Variants in LYPLAL1 observed in about 807,000 individuals in gnomAD.
LYPLAL1 encodes the protein lysophospholipase-like protein 1.
A neutral mutation model predicts 19.7 loss-of-function variants in LYPLAL1; 23 were observed. That is an observed-to-expected ratio of 1.17 (90% CI 0.84 to 1.65). The LOEUF (loss-of-function observed/expected upper bound fraction) is 1.65, where lower values mean the gene tolerates loss of function less well. Ranked by LOEUF, LYPLAL1 falls within the 40% of genes most tolerant of loss-of-function variation. The pLI is 0.00. For synonymous variants in LYPLAL1, 119 were observed against 96.3 expected, an observed-to-expected ratio of 1.24 and a Z score of -1.38; for missense variants, 355 against 279.4, an observed-to-expected ratio of 1.27 and a Z score of -1.93.
At chr1:219,188,393 G>A (rs1047798740) in intron 2 of LYPLAL1, among the ~76,000 whole-genome samples, 2 of 151,748 alleles carry the variant, frequency 1.3e-5, no homozygotes, top group Non-Finnish European at 3.0e-5. Flanking sequence ...AGACCTAAAT[G>A]AACAGTCGGA....
At chr1:219,248,882 A>T in the LYPLAL1 span, among the ~76,000 whole-genome samples, 1 of 152,210 alleles carries the variant, frequency 6.6e-6, no homozygotes, top group Non-Finnish European at 1.5e-5. Flanking sequence ...TCTAGAAACA[A>T]GCACTTTGGC....
At chr1:219,422,199 T>C in the LYPLAL1 span, among the ~76,000 whole-genome samples, 1 of 152,238 alleles carries the variant, frequency 6.6e-6, no homozygotes. Flanking sequence ...TGAAACTTTG[T>C]TGGAATTACT....
chr1:219,273,234 A>G, the LYPLAL1 span: 1 of 152,232 alleles, frequency 6.6e-6, no homozygotes, highest in Admixed American at 6.5e-5. Flanking sequence ...AAGTTCTTAA[A>G]AGGAGGCTTA....
intron 2 of LYPLAL1, among the ~76,000 whole-genome samples, chr1:219,186,345 A>G (rs1656719776): frequency 6.6e-6 from 1 of 151,878 alleles, no homozygotes; most frequent in African/African-American, 2.4e-5. Context: ...ATTTGAAAGC[A>G]TTACACAAAT....
chr1:219,381,501 C>T, the LYPLAL1 span, among the ~76,000 whole-genome samples: 11 of 152,162 alleles, frequency 7.2e-5, no homozygotes, highest in Admixed American at 2.6e-4. Flanking sequence ...CTCATATATA[C>T]GCTCTTAGTG....
At chr1:219,327,517 GGT>G in the LYPLAL1 span, among the ~76,000 whole-genome samples, 1 of 151,994 alleles carries the variant, frequency 6.6e-6, no homozygotes, top group African/African-American at 2.4e-5. Context: ...GGGAACGAGA[GGT>G]AGTGGCAGTG....
At chr1:219,200,217 T>C (rs1657986016) in intron 3 of LYPLAL1, 1 of 256,658 alleles carries the variant, frequency 3.9e-6, no homozygotes, top group Admixed American at 4.0e-5. Context: ...AAATAAATGG[T>C]GCTTATCTCG....
In LYPLAL1 at chr1:219,173,953, C is replaced by A; in HGVS notation, c.63C>A (p.Ser21Arg). The change falls in exon 1 of 5, where the codon AGC becomes AGA. Residue 21 changes from serine (S) to arginine (R), a missense_variant. Physicochemically the swap from Ser to Arg is moderately radical, Grantham distance 110. Coordinates refer to ENST00000366928, the MANE Select transcript of LYPLAL1 (RefSeq NM_138794.5). The stretch of plus-strand genomic sequence containing the variant: ...TCGTGTCGCCGGCAGGGAGGCATAG[C>A]GCCTCTCTGATCTTCCTGCATGGCT... ...RCIVSPAGRH[S>R]ASLIFLHGSG... 1 of 1,614,026 alleles carries A rather than the reference C, an allele frequency of 6.2e-7. No homozygotes were observed. The highest frequency in any genetic ancestry group is 8.5e-7 in the Non-Finnish European group (1 of 1,179,968).
At chr1:219,293,558 G>T in the LYPLAL1 span, among the ~76,000 whole-genome samples, 5 of 151,904 alleles carry the variant, frequency 3.3e-5, no homozygotes, top group Admixed American at 3.3e-4. Flanking sequence ...ACGGAATCAA[G>T]AAATTCACAT....
the LYPLAL1 span, among the ~76,000 whole-genome samples, chr1:219,423,006 T>G: frequency 6.6e-6 from 1 of 152,150 alleles, no homozygotes; most frequent in Non-Finnish European, 1.5e-5. Context: ...AGCATGCAAT[T>G]GTTCATCATT....
chr1:219,355,305 A>G, the LYPLAL1 span, among the ~76,000 whole-genome samples: 1 of 152,224 alleles, frequency 6.6e-6, no homozygotes, highest in Non-Finnish European at 1.5e-5. Flanking sequence ...AACAACATAC[A>G]AAGATATATT....
the LYPLAL1 span, among the ~76,000 whole-genome samples, chr1:219,243,006 A>C: frequency 2.0e-5 from 3 of 152,134 alleles, no homozygotes; most frequent in Non-Finnish European, 4.4e-5. Context: ...TTTTCTTATA[A>C]CTGCAATCCG....
the LYPLAL1 span, among the ~76,000 whole-genome samples, chr1:219,374,606 T>C: frequency 3.9e-5 from 6 of 152,178 alleles, no homozygotes; most frequent in African/African-American, 1.4e-4. Flanking sequence ...ATTGTTCCTA[T>C]AGACAGGATT....
At chr1:219,361,966 T>TC in the LYPLAL1 span, among the ~76,000 whole-genome samples, 1 of 152,102 alleles carries the variant, frequency 6.6e-6, no homozygotes, top group East Asian at 1.9e-4. Flanking sequence ...CTTGGCTTTG[T>TC]CCCCCTGTTT....
chr1:219,229,114 C>G, the LYPLAL1 span, among the ~76,000 whole-genome samples: 1 of 151,898 alleles, frequency 6.6e-6, no homozygotes, highest in African/African-American at 2.4e-5. Flanking sequence ...AAGTCACCTG[C>G]AAGTGAATGC....
chr1:219,290,732 C>A, the LYPLAL1 span, among the ~76,000 whole-genome samples: 2 of 152,092 alleles, frequency 1.3e-5, no homozygotes, highest in African/African-American at 4.8e-5. Context: ...GTGGACTCGC[C>A]CCAAATTCTT....
the LYPLAL1 span, among the ~76,000 whole-genome samples, chr1:219,407,886 G>A: frequency 1.3e-5 from 2 of 152,174 alleles, no homozygotes; most frequent in Non-Finnish European, 1.5e-5. Flanking sequence ...ACTTCTTGCT[G>A]TGTCCTCACA....
At chr1:219,336,659 C>A in the LYPLAL1 span, among the ~76,000 whole-genome samples, 1 of 151,950 alleles carries the variant, frequency 6.6e-6, no homozygotes, top group East Asian at 1.9e-4. Flanking sequence ...ATTATTCCTA[C>A]AACTAGTATT....
chr1:219,406,834 T>C, the LYPLAL1 span, among the ~76,000 whole-genome samples: 1 of 152,344 alleles, frequency 6.6e-6, no homozygotes, highest in Middle Eastern at 3.4e-3. Flanking sequence ...ACTTATGTGT[T>C]CTTCCTTTAA....
Sources: allele counts gnomAD v4.1 joint callset (sites outside exome capture counted in the v4.1 genomes callset), GRCh38; gene constraint gnomAD v4.1.1; transcripts MANE v1.5; gene names NCBI Gene and HGNC (gene_info 2026-07-23, HGNC 2026-07-21).